CYTH3: variants seen among roughly 807,000 people sequenced by gnomAD.
The protein encoded by CYTH3 is cytohesin 3.
CYTH3 carries 23 observed loss-of-function variants against 55.1 expected under a neutral mutation model. That is an observed-to-expected ratio of 0.42 (90% CI 0.30 to 0.59). The LOEUF is 0.59. Ranked by LOEUF, CYTH3 falls within the 20% of genes least tolerant of loss-of-function variation. CYTH3 has a pLI of 0.20. For synonymous variants in CYTH3, 249 were observed against 194.9 expected, an observed-to-expected ratio of 1.28 and a Z score of -2.31; for missense variants, 413 against 524.8, an observed-to-expected ratio of 0.79 and a Z score of 2.08.
chr7:6,258,554 T>C (rs1017480129), intron 1 of CYTH3, among the ~76,000 whole-genome samples: 1 of 152,128 alleles, frequency 6.6e-6, no homozygotes, highest in East Asian at 1.9e-4. Context: ...ATGTAAACAA[T>C]TCATGGTTCT....
At chr7:6,252,710 G>C (rs1453546663) in intron 1 of CYTH3, among the ~76,000 whole-genome samples, 2 of 152,082 alleles carry the variant, frequency 1.3e-5, no homozygotes, top group Non-Finnish European at 1.5e-5. Context: ...AGGGAGGGAA[G>C]AAGAAAAAGA....
chr7:6,193,319 C>T (rs1263698772), intron 1 of CYTH3, among the ~76,000 whole-genome samples: 1 of 148,978 alleles, frequency 6.7e-6, no homozygotes, highest in African/African-American at 2.5e-5. Flanking sequence ...TTAGGTTGCA[C>T]TGAGCCAAGA....
intron 6 of CYTH3, chr7:6,173,082 G>C (rs193027518): frequency 7.3e-5 from 77 of 1,060,162 alleles, no homozygotes; most frequent in Admixed American, 4.5e-4. Context: ...TGCTGGCTCA[G>C]GGTCAAGGCC....
intron 1 of CYTH3, among the ~76,000 whole-genome samples, chr7:6,197,040 GGTT>G (rs1383725318): frequency 6.6e-6 from 1 of 152,150 alleles, no homozygotes; most frequent in Non-Finnish European, 1.5e-5. Context: ...GAGCAGGGTT[GGTT>G]GTTAACACAG....
At chr7:6,270,337 G>C (rs549995467) in intron 1 of CYTH3, among the ~76,000 whole-genome samples, 1 of 152,134 alleles carries the variant, frequency 6.6e-6, no homozygotes, top group Non-Finnish European at 1.5e-5. Context: ...AATCAATAAA[G>C]GTTAAAAGTT....
At chr7:6,217,434 T>C (rs1041699443) in intron 1 of CYTH3, among the ~76,000 whole-genome samples, 1 of 152,086 alleles carries the variant, frequency 6.6e-6, no homozygotes, top group African/African-American at 2.4e-5. Flanking sequence ...GCTATATTAA[T>C]AAAACAGCTA....
intron 1 of CYTH3, among the ~76,000 whole-genome samples, chr7:6,260,457 A>T (rs1370271282): frequency 6.6e-6 from 1 of 151,760 alleles, no homozygotes; most frequent in African/African-American, 2.4e-5. Flanking sequence ...CTTCCCCTCT[A>T]TTCTCATAAC....
In CYTH3 at chr7:6,164,348, A is replaced by G. The variant is rs1415337327; in HGVS notation, c.*596T>C. 1 of 153,084 alleles carries G rather than the reference A, an allele frequency of 6.5e-6. No individual in the cohort carries two copies. The highest frequency in any genetic ancestry group is 1.5e-5 in the Non-Finnish European group (1 of 68,368). 9.5% of individuals were successfully genotyped at this position (153,084 alleles called of 1,614,324 possible). On this transcript the variant is annotated 3_prime_UTR_variant, in exon 13 of 13. Coordinates refer to ENST00000350796, the MANE Select transcript of CYTH3 (RefSeq NM_004227.4). ...GAGTTAACTTTATAGCTGCCATTCTAAAAATACTACTGTTAGAAAGTATCT... is the reference window on the plus strand; with the variant it reads ...GAGTTAACTTTATAGCTGCCATTCTGAAAATACTACTGTTAGAAAGTATCT...
intron 1 of CYTH3, among the ~76,000 whole-genome samples, chr7:6,256,221 G>T (rs1185816378): frequency 6.6e-6 from 1 of 152,300 alleles, no homozygotes; most frequent in East Asian, 1.9e-4. Flanking sequence ...ACCGCCTACA[G>T]CAAGTCCTGA....
Position 6,169,426 on chromosome 7 carries a change from G to A in CYTH3, c.823+1109C>T, listed in dbSNP as rs1164164332. Among the ~76,000 whole-genome samples the A allele has an allele frequency of 1.3e-5, 2 of 152,002 alleles. No individual in the cohort carries two copies. The highest frequency in any genetic ancestry group is 2.9e-5 in the Non-Finnish European group (2 of 68,006). On this transcript the variant is annotated intron_variant, in intron 9 of 12. Coordinates refer to ENST00000350796, the MANE Select transcript of CYTH3 (RefSeq NM_004227.4). The surrounding 1 kb of genome is among the most constrained non-coding windows in gnomAD (Gnocchi z 4.1). Reference sequence around the variant, plus strand: ...TGGGGTTTCACTATATTGCCCAGGTGGTCTGAAGCTCCTGGCCTAAGCAAT... The same window carrying A: ...TGGGGTTTCACTATATTGCCCAGGTAGTCTGAAGCTCCTGGCCTAAGCAAT...
At chr7:6,208,706 A>G (rs1784255657) in intron 1 of CYTH3, among the ~76,000 whole-genome samples, 1 of 151,912 alleles carries the variant, frequency 6.6e-6, no homozygotes, top group Admixed American at 6.6e-5. Context: ...ATCATATCCA[A>G]CTATTTTTTA....
At chr7:6,237,332 C>T (rs577731136) in intron 1 of CYTH3, among the ~76,000 whole-genome samples, 1 of 152,288 alleles carries the variant, frequency 6.6e-6, no homozygotes, top group South Asian at 2.1e-4. Flanking sequence ...TGATAAAAGG[C>T]TGAGAAAATA....
chr7:6,239,313 A>G (rs1225704890), intron 1 of CYTH3, among the ~76,000 whole-genome samples: 3 of 152,196 alleles, frequency 2.0e-5, no homozygotes, highest in African/African-American at 7.2e-5. Flanking sequence ...CTTCCTTCCT[A>G]GTCTCTGCCC....
chr7:6,221,871 G>A (rs1040763526), intron 1 of CYTH3, among the ~76,000 whole-genome samples: 4 of 152,182 alleles, frequency 2.6e-5, no homozygotes, highest in African/African-American at 9.7e-5. Context: ...AGGATCATTT[G>A]AAGCCTAGAA....
chr7:6,190,012 G>A (rs1404947144), intron 2 of CYTH3, among the ~76,000 whole-genome samples: 2 of 151,964 alleles, frequency 1.3e-5, no homozygotes, highest in African/African-American at 2.4e-5. Context: ...CTCCAGCCTG[G>A]GCAACAGAGC....
chr7:6,205,232 T>C (rs572927179), intron 1 of CYTH3, among the ~76,000 whole-genome samples: 1 of 152,154 alleles, frequency 6.6e-6, no homozygotes, highest in East Asian at 1.9e-4. Flanking sequence ...AGAAACACAA[T>C]TCTAAATAAA....
chr7:6,221,598 A>G lies in CYTH3; in HGVS notation c.35-31067T>C, dbSNP rs74524020. Among the ~76,000 whole-genome samples, 30 of 152,318 alleles carry G rather than the reference A, an allele frequency of 2.0e-4. No homozygotes were observed. In the East Asian group the frequency reaches 5.8e-3, roughly 29 times the overall value. On this transcript the variant is annotated intron_variant, in intron 1 of 12. Coordinates refer to ENST00000350796, the MANE Select transcript of CYTH3 (RefSeq NM_004227.4). ...GATTTTGATACTGTATTGCAGTTAC[A>G]TAAGATGTAACCAGTGTGAGGAAAT...
In CYTH3 at chr7:6,162,397, T is replaced by C. The variant is rs1265310567; in HGVS notation, c.*2547A>G. ...CTTTGGCCAGAGTTGGGACTAACAA[T>C]TCAAGCCCTGCGCTCAGACGTCAGG... On this transcript the variant is annotated 3_prime_UTR_variant, in exon 13 of 13. Coordinates refer to ENST00000350796, the MANE Select transcript of CYTH3 (RefSeq NM_004227.4). 2.0e-5 allele frequency: 3 copies of C among 152,270 alleles called. No homozygotes were observed. Among genetic ancestry groups the C allele is most frequent in the African/African-American group, 7.2e-5 (3 of 41,454 alleles). The allele number at this position is 152,270 out of a possible 1,614,324, so 9.4% of individuals were successfully genotyped here.
In CYTH3 at chr7:6,259,793, ATATAT is replaced by A. The variant is rs1180400982; in HGVS notation, c.34+12676_34+12680del. Among the ~76,000 whole-genome samples, 5 of 14,110 alleles carry A rather than the reference ATATAT, an allele frequency of 3.5e-4. No homozygotes were observed. The African/African-American group carries it at 4.6e-3, about 13-fold the overall frequency. 9.3% of individuals were successfully genotyped at this position (14,110 alleles called of 152,430 possible). On this transcript the variant is annotated intron_variant, in intron 1 of 12. Transcript: ENST00000350796. The stretch of plus-strand genomic sequence containing the variant: ...TATATTATATATATATAATATATAT[ATATAT>A]ATATATATATATATAATATATATAT...
Sources: allele counts gnomAD v4.1 joint callset (sites outside exome capture counted in the v4.1 genomes callset), GRCh38; gene constraint gnomAD v4.1.1; non-coding constraint Gnocchi (gnomAD v3.1); transcripts MANE v1.5; gene names NCBI Gene and HGNC (gene_info 2026-07-23, HGNC 2026-07-21).